Variants in C16orf74 observed in about 807,000 individuals in gnomAD.
The protein encoded by C16orf74 is uncharacterized protein C16orf74.
C16orf74 carries 10 observed loss-of-function variants against 6.5 expected under a neutral mutation model. The ratio of observed to expected loss-of-function variants is 1.54; its 90% confidence interval spans 0.95 to 2.61. The LOEUF (loss-of-function observed/expected upper bound fraction) is 2.61. C16orf74 is among the 30% of genes most tolerant of loss of function. The pLI is 0.00. For synonymous variants in C16orf74, 60 were observed against 42.5 expected (o/e 1.41, Z -1.60); for missense variants, 141 against 105.9 (o/e 1.33, Z -1.45).
intron 2 of C16orf74, among the ~76,000 whole-genome samples, chr16:85,717,058 G>A (rs1451300176): frequency 1.3e-5 from 2 of 152,194 alleles, no homozygotes; most frequent in African/African-American, 2.4e-5. Flanking sequence ...CACTTCCGGG[G>A]AGGCTTCGTG....
chr16:85,717,485 T>A (rs77797468), intron 2 of C16orf74, among the ~76,000 whole-genome samples: 1,600 of 152,236 alleles, frequency 0.011, 31 homozygotes, highest in African/African-American at 0.036. Flanking sequence ...TGTAAAACTG[T>A]TATGACACCA....
chr16:85,720,771 C>CAAAAAAA lies in C16orf74; in HGVS notation c.29-10471_29-10465dup, dbSNP rs57419341. Reference sequence around the variant, plus strand: ...AGCCTGGGCAAGAGAGATCCTGCCTCAAAAAAAAAAAAAAAAAAAAGCGGT... The same window carrying CAAAAAAA: ...AGCCTGGGCAAGAGAGATCCTGCCTCAAAAAAAAAAAAAAAAAAAAAAAAAAAGCGGT... On this transcript the variant is annotated intron_variant, in intron 2 of 3. Coordinates refer to ENST00000284245, the MANE Select transcript of C16orf74 (RefSeq NM_206967.3). 2.5e-5 allele frequency among the ~76,000 whole-genome samples: 2 copies of CAAAAAAA among 81,480 alleles called. 1 individual carries two copies. The highest frequency in any genetic ancestry group is 1.0e-4 in the African/African-American group (2 of 19,648). 53.5% of individuals were successfully genotyped at this position (81,480 alleles called of 152,430 possible). A position where few individuals can be genotyped will look rare whatever the true frequency, so the allele number is the denominator to read the frequency against.
At chr16:85,719,386 C>G (rs1249854915) in intron 2 of C16orf74, among the ~76,000 whole-genome samples, 3 of 152,142 alleles carry the variant, frequency 2.0e-5, no homozygotes, top group African/African-American at 7.2e-5. Context: ...CCCAGTGATT[C>G]AAGCTATCAC....
chr16:85,720,859 G>A (rs1233075359), intron 2 of C16orf74, among the ~76,000 whole-genome samples: 2 of 151,616 alleles, frequency 1.3e-5, no homozygotes, highest in Non-Finnish European at 2.9e-5. Context: ...AGGCCGAGGC[G>A]GGTGGATCAC....
At chr16:85,715,327 GCTC>G (rs1365927660) in intron 2 of C16orf74, among the ~76,000 whole-genome samples, 1 of 152,102 alleles carries the variant, frequency 6.6e-6, no homozygotes. Flanking sequence ...CGAGGCGTGC[GCTC>G]CTTCAGGCTC....
rs571904766 is a variant in C16orf74 at position 85,737,026 on chromosome 16, G to C, written c.-18-1791C>G. 3.3e-5 allele frequency among the ~76,000 whole-genome samples: 5 copies of C among 152,050 alleles called. No homozygotes were observed. The East Asian group carries it at 9.7e-4, about 29-fold the overall frequency. On this transcript the variant is annotated intron_variant, in intron 1 of 3. Transcript: ENST00000284245. ...CCACTGCACTGCAGCCTGGGCGACAGAGTGAGACTTCATCTCGAGAAAAAA... is the reference window on the plus strand; with the variant it reads ...CCACTGCACTGCAGCCTGGGCGACACAGTGAGACTTCATCTCGAGAAAAAA...
At chr16:85,711,139 C>T (rs1376422741) in intron 2 of C16orf74, among the ~76,000 whole-genome samples, 1 of 151,662 alleles carries the variant, frequency 6.6e-6, no homozygotes, top group East Asian at 1.9e-4. Context: ...CATGGTGAAA[C>T]CCCCATCTCT....
At chr16:85,743,493 C>T (rs1444023094) in intron 1 of C16orf74, 4 of 152,220 alleles carry the variant, frequency 2.6e-5, no homozygotes, top group Non-Finnish European at 5.9e-5. Flanking sequence ...GGCTAGCAAG[C>T]TACAGCTCTG....
intron 2 of C16orf74, among the ~76,000 whole-genome samples, chr16:85,714,547 G>C (rs1285361791): frequency 6.6e-6 from 1 of 151,824 alleles, no homozygotes; most frequent in Non-Finnish European, 1.5e-5. Flanking sequence ...AGCCTCCCTA[G>C]TAGCTGGGAT....
chr16:85,713,541 G>C (rs1293609069), intron 2 of C16orf74, among the ~76,000 whole-genome samples: 3 of 152,192 alleles, frequency 2.0e-5, no homozygotes, highest in Non-Finnish European at 4.4e-5. Context: ...CCAAAGTGCT[G>C]GGATCAGAGG....
intron 1 of C16orf74, among the ~76,000 whole-genome samples, chr16:85,748,046 A>AGCTGAAACATTGGTTTCAT (rs559270152): frequency 5.3e-5 from 7 of 132,004 alleles, no homozygotes; most frequent in South Asian, 2.2e-4. Flanking sequence ...GTATTGCACC[A>AGCTGAAACATTGGTTTCAT]CTGCACTCCA....
At chr16:85,742,547 CT>C (rs925870583) in intron 1 of C16orf74, among the ~76,000 whole-genome samples, 8 of 149,288 alleles carry the variant, frequency 5.4e-5, no homozygotes, top group Admixed American at 6.7e-5. Flanking sequence ...CCAAATGAAA[CT>C]TTTTTTTTTG....
chr16:85,717,683 T>C (rs1598784985), intron 2 of C16orf74, among the ~76,000 whole-genome samples: 1 of 152,318 alleles, frequency 6.6e-6, no homozygotes, highest in East Asian at 1.9e-4. Flanking sequence ...TTTGCACTCC[T>C]GCATTCAACC....
intron 2 of C16orf74, 61 bp downstream of exon 2, chr16:85,735,128 GC>G (rs1156754597): frequency 2.7e-6 from 4 of 1,499,746 alleles, no homozygotes; most frequent in Non-Finnish European, 1.8e-6. Context: ...CCTCTCTCCT[GC>G]CCCCCAACCC....
intron 2 of C16orf74, among the ~76,000 whole-genome samples, chr16:85,714,983 C>G (rs988862313): frequency 6.6e-6 from 1 of 151,262 alleles, no homozygotes; most frequent in Non-Finnish European, 1.5e-5. Flanking sequence ...AATGAAACCC[C>G]GTCTCTACTA....
At chr16:85,747,641 A>C (rs1374018545) in intron 1 of C16orf74, among the ~76,000 whole-genome samples, 1 of 152,190 alleles carries the variant, frequency 6.6e-6, no homozygotes, top group Non-Finnish European at 1.5e-5. Flanking sequence ...AAAAGTATCA[A>C]ACTGTAAAAT....
At chr16:85,746,844 C>G (rs975353651) in intron 1 of C16orf74, among the ~76,000 whole-genome samples, 8 of 152,198 alleles carry the variant, frequency 5.3e-5, no homozygotes, top group African/African-American at 1.9e-4. Context: ...TTTAGGAAAG[C>G]CACTTTCTTT....
intron 3 of C16orf74, 30 bp downstream of exon 3, chr16:85,710,134 C>T: frequency 1.4e-6 from 2 of 1,393,578 alleles, no homozygotes. Flanking sequence ...CACAGCCGAC[C>T]CGGCTTGGCG....
chr16:85,734,729 A>G (rs1163298843), intron 2 of C16orf74, among the ~76,000 whole-genome samples: 1 of 152,166 alleles, frequency 6.6e-6, no homozygotes, highest in Non-Finnish European at 1.5e-5. Flanking sequence ...TGCCTTTGCT[A>G]ACACCCACAA....
Sources: gnomAD v4.1 joint callset for allele counts (sites outside exome capture counted in the v4.1 genomes callset) on GRCh38, gnomAD v4.1.1 for gene constraint, MANE v1.5 for transcripts, NCBI Gene and HGNC (gene_info 2026-07-23, HGNC 2026-07-21) for gene names.